Variants in LRGUK observed in about 807,000 individuals in gnomAD.
The protein encoded by LRGUK is leucine-rich repeat and guanylate kinase domain-containing protein.
LRGUK carries 65 observed loss-of-function variants against 76.0 expected under a neutral mutation model. The observed-to-expected ratio is 0.85, with a 90% CI of 0.70 to 1.05. LRGUK has a LOEUF of 1.05. LRGUK is among the 50% of genes least tolerant of loss of function. LRGUK has a pLI of 0.00. For missense variants in LRGUK, 758 were observed against 732.8 expected (o/e 1.03, Z -0.40); for synonymous variants, 268 against 265.6 (o/e 1.01, Z -0.09).
intron 5 of LRGUK, among the ~76,000 whole-genome samples, chr7:134,157,347 G>A (rs750310115): frequency 1.1e-4 from 16 of 152,188 alleles, no homozygotes; most frequent in Non-Finnish European, 1.9e-4. Flanking sequence ...CATGGTGCAT[G>A]TTGCCCCTGC....
chr7:134,129,597 TG>T (rs1797215450), intron 1 of LRGUK, among the ~76,000 whole-genome samples: 1 of 150,644 alleles, frequency 6.6e-6, no homozygotes, highest in Non-Finnish European at 1.5e-5. Context: ...CTCAGCCTCC[TG>T]AGTAGCAGGG....
intron 4 of LRGUK, among the ~76,000 whole-genome samples, chr7:134,147,047 T>A (rs1798001514): frequency 6.6e-6 from 1 of 152,128 alleles, no homozygotes; most frequent in African/African-American, 2.4e-5. Context: ...CAGAAGTTGC[T>A]GAAAAAGCTT....
intron 18 of LRGUK, among the ~76,000 whole-genome samples, chr7:134,256,054 C>A (rs1041066119): frequency 6.6e-6 from 1 of 152,098 alleles, no homozygotes; most frequent in Non-Finnish European, 1.5e-5. Context: ...TGGGTTATGG[C>A]GCCCTCTTCC....
intron 19 of LRGUK, among the ~76,000 whole-genome samples, chr7:134,263,591 C>T (rs1802793529): frequency 6.6e-6 from 1 of 151,404 alleles, no homozygotes; most frequent in Admixed American, 6.6e-5. Flanking sequence ...TGACCTCATC[C>T]ACTATTATTC....
At chr7:134,272,650 T>G in the LRGUK span, among the ~76,000 whole-genome samples, 2 of 152,170 alleles carry the variant, frequency 1.3e-5, no homozygotes, top group African/African-American at 4.8e-5. Context: ...TATAAGCCCT[T>G]ATGAGTTGAA....
At chr7:134,210,573 C>T (rs559741692), downstream of LRGUK, among the ~76,000 whole-genome samples, 49 of 152,302 alleles carry the variant, frequency 3.2e-4, no homozygotes, top group African/African-American at 1.0e-3. Flanking sequence ...CCCGGGAGAC[C>T]TCTCCAGAGG....
chr7:134,177,066 A>G lies in LRGUK; in HGVS notation c.1107+3A>G. On this transcript the variant is annotated splice_donor_region_variant and intron_variant, in intron 9 of 15. Coordinates refer to ENST00000645682, the Ensembl canonical transcript of LRGUK. Reference sequence around the variant, plus strand: ...AGAAGATTAAAGTGGAAGAAAAGGTATGTAATCATGTCATAACATTACCAT... The same window carrying G: ...AGAAGATTAAAGTGGAAGAAAAGGTGTGTAATCATGTCATAACATTACCAT... 3.8e-6 allele frequency: 6 copies of G among 1,564,240 alleles called. No individual in the cohort carries two copies. The highest frequency in any genetic ancestry group is 4.4e-6 in the Non-Finnish European group (5 of 1,138,962).
chr7:134,241,063 G>A (rs944253571), intron 16 of LRGUK, among the ~76,000 whole-genome samples: 5 of 152,118 alleles, frequency 3.3e-5, no homozygotes, highest in Non-Finnish European at 7.4e-5. Context: ...GCACTAAAAT[G>A]GAAAGGAACA....
intron 7 of LRGUK, among the ~76,000 whole-genome samples, chr7:134,173,534 C>A (rs886206094): frequency 6.6e-6 from 1 of 152,058 alleles, no homozygotes; most frequent in African/African-American, 2.4e-5. Context: ...AACCTATTTG[C>A]CTTTAATTTA....
At chr7:134,140,387 T>C (rs956730485) in intron 3 of LRGUK, among the ~76,000 whole-genome samples, 5 of 152,230 alleles carry the variant, frequency 3.3e-5, no homozygotes, top group Admixed American at 3.3e-4. Flanking sequence ...TTCTTTCAAC[T>C]CTAACTCCAC....
At chr7:134,269,288 T>C (rs1802917308), downstream of LRGUK, among the ~76,000 whole-genome samples, 1 of 152,104 alleles carries the variant, frequency 6.6e-6, no homozygotes, top group Non-Finnish European at 1.5e-5. Flanking sequence ...CTTTCTGTTG[T>C]TAATTTCTAG....
intron 5 of LRGUK, among the ~76,000 whole-genome samples, chr7:134,150,301 A>G (rs561445543): frequency 6.6e-6 from 1 of 151,492 alleles, no homozygotes; most frequent in East Asian, 1.9e-4. Flanking sequence ...ACAAAAAAAA[A>G]CAAAAAAAAA....
intron 7 of LRGUK, among the ~76,000 whole-genome samples, chr7:134,164,756 T>C (rs377245302): frequency 1.2e-3 from 182 of 152,304 alleles, no homozygotes; most frequent in Middle Eastern, 0.01. Context: ...TGAGCCTTTT[T>C]TCCAACAGAC....
intron 11 of LRGUK, among the ~76,000 whole-genome samples, chr7:134,185,564 T>C (rs1302380595): frequency 6.6e-6 from 1 of 151,608 alleles, no homozygotes; most frequent in East Asian, 1.9e-4. Flanking sequence ...GAGGTTTTGG[T>C]GAATCAAATT....
downstream of LRGUK, among the ~76,000 whole-genome samples, chr7:134,269,496 A>G (rs2544191): frequency 0.5 from 75,483 of 151,272 alleles, 19,214 homozygotes; most frequent in African/African-American, 0.57. Flanking sequence ...GGGAATACAG[A>G]TGTGTGCCAG....
chr7:134,247,493 G>T, intron 16 of LRGUK, 63 bp from the exon 17 acceptor site: 2 of 1,177,606 alleles, frequency 1.7e-6, no homozygotes, highest in Non-Finnish European at 2.5e-6. Context: ...AATTATTATA[G>T]ATGTTTTAAT....
intron 1 of LRGUK, among the ~76,000 whole-genome samples, chr7:134,129,253 T>TCTCTCTCCCTCCCTCC (rs1285784298): frequency 2.7e-5 from 3 of 110,314 alleles, no homozygotes; most frequent in Non-Finnish European, 5.5e-5. Flanking sequence ...TCCCTCCCTC[T>TCTCTCTCCCTCCCTCC]CTCTCTCCCT....
chr7:134,255,402 C>T (rs1054926544), intron 18 of LRGUK, among the ~76,000 whole-genome samples: 1 of 152,166 alleles, frequency 6.6e-6, no homozygotes, highest in Non-Finnish European at 1.5e-5. Context: ...TGAACCAAAG[C>T]CAAAAGGCTC....
intron 16 of LRGUK, among the ~76,000 whole-genome samples, chr7:134,238,800 T>G (rs1267327040): frequency 2.6e-5 from 4 of 152,224 alleles, no homozygotes; most frequent in Non-Finnish European, 5.9e-5. Context: ...TTGCTCATTT[T>G]TATGTGAAAT....
Sources: gnomAD v4.1 joint callset for allele counts (sites outside exome capture counted in the v4.1 genomes callset) on GRCh38, gnomAD v4.1.1 for gene constraint, MANE v1.5 for transcripts, NCBI Gene and HGNC (gene_info 2026-07-23, HGNC 2026-07-21) for gene names.